GPR19: variants seen among roughly 807,000 people sequenced by gnomAD.
The protein encoded by GPR19 is probable G protein-coupled receptor 19.
In GPR19, 14 loss-of-function variants were observed where a neutral mutation model predicts 28.5. The observed-to-expected ratio is 0.49, with a 90% CI of 0.32 to 0.77. GPR19 has a LOEUF of 0.77. Among genes scored for constraint, GPR19 ranks in the 30% least tolerant of loss-of-function variants. The pLI is 0.03. For synonymous variants in GPR19, 173 were observed against 184.1 expected, an observed-to-expected ratio of 0.94 and a Z score of 0.49; for missense variants, 409 against 504.1, an observed-to-expected ratio of 0.81 and a Z score of 1.81.
At chr12:12,668,138 C>T (rs1945808227) in intron 3 of GPR19, among the ~76,000 whole-genome samples, 1 of 152,054 alleles carries the variant, frequency 6.6e-6, no homozygotes, top group African/African-American at 2.4e-5. Flanking sequence ...ATAATAACCC[C>T]AAAGGTTATG....
Position 12,661,186 on chromosome 12 carries a change from T to G in GPR19, c.*15A>C. On this transcript the variant is annotated 3_prime_UTR_variant, in exon 4 of 4. Transcript: ENST00000651487. The surrounding 1 kb of genome is among the most constrained non-coding windows in gnomAD (Gnocchi z 4.2). Reference sequence around the variant, plus strand: ...TTTTTAATCTCTGGTGCATAACAATTGAAAGAATGAGAACTTAGACAAAAG... The same window carrying G: ...TTTTTAATCTCTGGTGCATAACAATGGAAAGAATGAGAACTTAGACAAAAG... 1 of 1,568,496 alleles carries G rather than the reference T, an allele frequency of 6.4e-7. No homozygotes were observed. Among genetic ancestry groups the G allele is most frequent in the African/African-American group, 1.4e-5 (1 of 72,926 alleles).
chr12:12,698,965 G>T (rs1175527757), upstream of GPR19, among the ~76,000 whole-genome samples: 4 of 152,098 alleles, frequency 2.6e-5, no homozygotes, highest in Non-Finnish European at 5.9e-5. Flanking sequence ...AACAGTTTGG[G>T]AGATAGGGAA....
At chr12:12,667,294 A>G (rs574809461) in intron 3 of GPR19, among the ~76,000 whole-genome samples, 249 of 152,226 alleles carry the variant, frequency 1.6e-3, no homozygotes, top group African/African-American at 5.9e-3. Context: ...CCTATATATG[A>G]TCTAAAAGAG....
chr12:12,707,447 CAGAG>C, the GPR19 span, among the ~76,000 whole-genome samples: 1 of 152,206 alleles, frequency 6.6e-6, no homozygotes, highest in Non-Finnish European at 1.5e-5. Context: ...GCTGTGTCCT[CAGAG>C]AGTCTGGCAT....
intron 3 of GPR19, among the ~76,000 whole-genome samples, chr12:12,676,989 T>A (rs1358886810): frequency 6.6e-6 from 1 of 152,184 alleles, no homozygotes. Flanking sequence ...ACGAAGTAGT[T>A]GAGATTTACA....
intron 3 of GPR19, among the ~76,000 whole-genome samples, chr12:12,666,773 TAGG>T (rs1214503398): frequency 1.3e-5 from 2 of 152,206 alleles, no homozygotes; most frequent in African/African-American, 4.8e-5. Flanking sequence ...GTGCCTCTGC[TAGG>T]AGAATTAAAT....
chr12:12,664,301 T>G lies in GPR19; in HGVS notation c.-22-1831A>C, dbSNP rs1009125858. ...ATTGCGCCCAGCCCTCATTTTTTCT[T>G]TGAGGGATTTTTGTACTAATTTGTG... is the stretch of plus-strand genomic sequence containing the variant. On this transcript the variant is annotated intron_variant, in intron 3 of 3. Coordinates refer to ENST00000651487, the MANE Select transcript of GPR19 (RefSeq NM_006143.3). 2.0e-5 allele frequency among the ~76,000 whole-genome samples: 3 copies of G among 152,002 alleles called. No homozygotes were observed. The South Asian group carries it at 6.2e-4, about 32-fold the overall frequency.
intron 2 of GPR19, among the ~76,000 whole-genome samples, chr12:12,691,822 G>T (rs1438601146): frequency 6.6e-6 from 1 of 152,152 alleles, no homozygotes; most frequent in African/African-American, 2.4e-5. Flanking sequence ...AAGGGTGTCT[G>T]GTTGCAAGGC....
the GPR19 span, among the ~76,000 whole-genome samples, chr12:12,702,108 C>T: frequency 6.6e-6 from 1 of 151,908 alleles, no homozygotes; most frequent in East Asian, 1.9e-4. Flanking sequence ...AATAAAGCTC[C>T]TCCCACTGAA....
At chr12:12,692,139 A>G (rs1274840100) in intron 2 of GPR19, among the ~76,000 whole-genome samples, 1 of 152,210 alleles carries the variant, frequency 6.6e-6, no homozygotes, top group Non-Finnish European at 1.5e-5. Flanking sequence ...TGGTACTAAC[A>G]TGAGCTGCCA....
chr12:12,702,188 G>A, the GPR19 span, among the ~76,000 whole-genome samples: 1 of 151,330 alleles, frequency 6.6e-6, no homozygotes, highest in African/African-American at 2.4e-5. Flanking sequence ...GTACAAATTA[G>A]GCACAACTAA....
At chr12:12,672,257 T>C (rs976333133) in intron 3 of GPR19, among the ~76,000 whole-genome samples, 15 of 152,188 alleles carry the variant, frequency 9.9e-5, no homozygotes, top group Admixed American at 3.9e-4. Flanking sequence ...TGTTGGCATC[T>C]CTTTGGGGGT....
At chr12:12,713,061 T>C in the GPR19 span, among the ~76,000 whole-genome samples, 1 of 147,886 alleles carries the variant, frequency 6.8e-6, no homozygotes, top group African/African-American at 2.5e-5. Flanking sequence ...GATGCGCTTT[T>C]TTTTTTTTTT....
intron 2 of GPR19, among the ~76,000 whole-genome samples, chr12:12,694,180 G>A (rs1051905368): frequency 1.6e-5 from 2 of 126,712 alleles, no homozygotes; most frequent in African/African-American, 5.8e-5. Context: ...GCATGGTAGA[G>A]TACCTGTCTT....
chr12:12,693,532 C>G (rs1276931895), intron 2 of GPR19, among the ~76,000 whole-genome samples: 1 of 152,344 alleles, frequency 6.6e-6, no homozygotes, highest in African/African-American at 2.4e-5. Flanking sequence ...GAGACTGACA[C>G]TCTTCTATCT....
intron 2 of GPR19, chr12:12,684,805 T>C (rs1566157741): frequency 1.3e-5 from 2 of 152,250 alleles, no homozygotes; most frequent in Non-Finnish European, 2.9e-5. Context: ...CTATTTTCTT[T>C]TTTTTCTATC....
At chr12:12,664,798 T>C (rs1294890130) in intron 3 of GPR19, among the ~76,000 whole-genome samples, 1 of 151,708 alleles carries the variant, frequency 6.6e-6, no homozygotes, top group Non-Finnish European at 1.5e-5. Context: ...CAGGCGCCTG[T>C]GGTCCCAGCT....
chr12:12,662,547 G>A (rs968852848), intron 3 of GPR19, 77 bp from the exon 4 acceptor site: 14 of 1,066,544 alleles, frequency 1.3e-5, no homozygotes, highest in East Asian at 2.4e-5. Flanking sequence ...TCAGGCTAAC[G>A]ATCTTATTTG....
upstream of GPR19, among the ~76,000 whole-genome samples, chr12:12,697,557 A>G (rs926454929): frequency 1.3e-5 from 2 of 152,166 alleles, no homozygotes; most frequent in African/African-American, 2.4e-5. Context: ...ATTTTATTGG[A>G]CTCTGTTATG....
Sources: gnomAD v4.1 joint callset for allele counts (sites outside exome capture counted in the v4.1 genomes callset) on GRCh38, gnomAD v4.1.1 for gene constraint, Gnocchi (gnomAD v3.1) non-coding constraint, MANE v1.5 for transcripts, NCBI Gene and HGNC (gene_info 2026-07-23, HGNC 2026-07-21) for gene names.